NRXN1: variants seen among roughly 807,000 people sequenced by gnomAD.
NRXN1 encodes the protein neurexin-1.
NRXN1 carries 39 observed loss-of-function variants against 150.9 expected under a neutral mutation model. The ratio of observed to expected loss-of-function variants is 0.26; its 90% CI spans 0.20 to 0.34. The LOEUF (loss-of-function observed/expected upper bound fraction) is 0.34. Ranked by LOEUF, NRXN1 falls within the 10% of genes least tolerant of loss-of-function variation. NRXN1 has a pLI of 1.00. For missense variants in NRXN1, 1,815 were observed against 1,949.9 expected (o/e 0.93, Z 1.30); for synonymous variants, 924 against 757.0 (o/e 1.22, Z -3.62).
intron 21 of NRXN1, among the ~76,000 whole-genome samples, chr2:49,980,899 C>T (rs1679883948): frequency 6.6e-6 from 1 of 151,984 alleles, no homozygotes; most frequent in Admixed American, 6.6e-5. Context: ...TGAAAACCTC[C>T]CCAATTGCTT....
intron 2 of NRXN1, among the ~76,000 whole-genome samples, chr2:50,997,756 G>A (rs537162998): frequency 1.4e-5 from 2 of 141,164 alleles, no homozygotes; most frequent in East Asian, 2.0e-4. Flanking sequence ...CAATCCTCCC[G>A]CCTCCACTTC....
At chr2:50,727,054 G>A (rs1697451398) in intron 5 of NRXN1, among the ~76,000 whole-genome samples, 1 of 151,914 alleles carries the variant, frequency 6.6e-6, no homozygotes, top group Non-Finnish European at 1.5e-5. Flanking sequence ...TCATGGATTT[G>A]GAAGGGGTTA....
intron 18 of NRXN1, among the ~76,000 whole-genome samples, chr2:50,227,064 G>C (rs1315350866): frequency 6.6e-6 from 1 of 151,392 alleles, no homozygotes; most frequent in African/African-American, 2.4e-5. Flanking sequence ...CAGTATGGAT[G>C]AAGATTTGCC....
chr2:50,304,324 T>C (rs1023753705), intron 17 of NRXN1, among the ~76,000 whole-genome samples: 3 of 152,146 alleles, frequency 2.0e-5, no homozygotes, highest in African/African-American at 4.8e-5. Context: ...AAACTATTAA[T>C]AAAAAGGCTG....
At chr2:50,249,053 A>T (rs889869085) in intron 17 of NRXN1, among the ~76,000 whole-genome samples, 1 of 145,708 alleles carries the variant, frequency 6.9e-6, no homozygotes, top group Non-Finnish European at 1.5e-5. Flanking sequence ...GCTACTTGGG[A>T]GGCTGAAGTT....
chr2:50,291,983 C>T (rs2072982682), intron 17 of NRXN1, among the ~76,000 whole-genome samples: 1 of 152,090 alleles, frequency 6.6e-6, no homozygotes, highest in Non-Finnish European at 1.5e-5. Flanking sequence ...AGATAACTCA[C>T]CCACAGCGTG....
intron 21 of NRXN1, among the ~76,000 whole-genome samples, chr2:49,999,037 T>C (rs560203669): frequency 1.5e-3 from 172 of 115,006 alleles, no homozygotes; most frequent in Non-Finnish European, 2.8e-3. Context: ...ACAATTAATC[T>C]GGGGATCTTC....
intron 5 of NRXN1, among the ~76,000 whole-genome samples, chr2:50,781,370 G>C (rs1233983940): frequency 1.3e-5 from 2 of 150,790 alleles, no homozygotes; most frequent in Non-Finnish European, 3.0e-5. Context: ...TGAAAGTCTG[G>C]GGAAAAAAAA....
At chr2:50,204,579 G>C (rs907260511) in intron 18 of NRXN1, among the ~76,000 whole-genome samples, 29 of 152,004 alleles carry the variant, frequency 1.9e-4, no homozygotes, top group Non-Finnish European at 4.3e-4. Flanking sequence ...AAAATGAGAA[G>C]TGTTATATGA....
intron 17 of NRXN1, among the ~76,000 whole-genome samples, chr2:50,412,080 C>A (rs751650525): frequency 3.9e-5 from 6 of 152,092 alleles, no homozygotes; most frequent in Non-Finnish European, 7.4e-5. Flanking sequence ...AAGGGCGGTG[C>A]AAGATGTGCT....
Position 50,522,512 on chromosome 2 carries a change from T to A in NRXN1, c.2374+6113A>T, listed in dbSNP as rs555193060. On this transcript the variant is annotated intron_variant, in intron 12 of 22. Transcript: ENST00000401669. ...GTTTTTAGAATATCACAGCATTTTA[T>A]ATTTGCATATAAGCAATCAGTAGAT... 1.5e-3 allele frequency among the ~76,000 whole-genome samples: 234 copies of A among 152,268 alleles called. 2 individuals are homozygous for A. Among genetic ancestry groups the A allele is most frequent in the African/African-American group, 5.5e-3 (228 of 41,562 alleles).
intron 18 of NRXN1, among the ~76,000 whole-genome samples, chr2:50,135,315 T>C (rs141524186): frequency 6.7e-4 from 102 of 152,272 alleles, no homozygotes; most frequent in African/African-American, 2.2e-3. Flanking sequence ...TGGAGGAGAA[T>C]AGACGAAAGG....
At chr2:50,409,592 A>G (rs1275666122) in intron 17 of NRXN1, among the ~76,000 whole-genome samples, 1 of 152,224 alleles carries the variant, frequency 6.6e-6, no homozygotes, top group African/African-American at 2.4e-5. Context: ...CCTTTCAAAC[A>G]GTACATAATT....
chr2:49,984,067 T>G (rs984154833), intron 21 of NRXN1, among the ~76,000 whole-genome samples: 1 of 151,940 alleles, frequency 6.6e-6, no homozygotes, highest in Non-Finnish European at 1.5e-5. Context: ...CTCAGGAAGC[T>G]GAAGTGGGAA....
At chr2:50,531,757 A>C (rs2093121370) in intron 10 of NRXN1, among the ~76,000 whole-genome samples, 2 of 152,152 alleles carry the variant, frequency 1.3e-5, no homozygotes, top group African/African-American at 4.8e-5. Context: ...TCAAGAGCAA[A>C]GATCACGTTC....
chr2:50,807,450 CTATT>C (rs138891158), intron 5 of NRXN1, among the ~76,000 whole-genome samples: 12,306 of 152,098 alleles, frequency 0.081, 689 homozygotes, highest in African/African-American at 0.15. Flanking sequence ...ATATAAACCA[CTATT>C]TAACCTATAT....
intron 8 of NRXN1, among the ~76,000 whole-genome samples, chr2:50,576,997 G>T (rs1264965432): frequency 6.6e-6 from 1 of 152,070 alleles, no homozygotes; most frequent in Non-Finnish European, 1.5e-5. Context: ...CTGGTCATCA[G>T]CAGCCATATT....
chr2:50,013,117 T>C (rs2859977), intron 21 of NRXN1, among the ~76,000 whole-genome samples: 127,025 of 152,042 alleles, frequency 0.84, 53,164 homozygotes, highest in Middle Eastern at 0.88. Flanking sequence ...GATTTAATCA[T>C]TTCATGTCCA....
chr2:50,553,273 C>A (rs891202162), intron 8 of NRXN1, among the ~76,000 whole-genome samples: 1 of 152,208 alleles, frequency 6.6e-6, no homozygotes. Flanking sequence ...CATATACACA[C>A]AAACTGCTTG....
Sources: gnomAD v4.1 joint callset for allele counts (sites outside exome capture counted in the v4.1 genomes callset) on GRCh38, gnomAD v4.1.1 for gene constraint, MANE v1.5 for transcripts, NCBI Gene and HGNC (gene_info 2026-07-23, HGNC 2026-07-21) for gene names.